KCNH3: variants seen among roughly 807,000 people sequenced by gnomAD.
The protein encoded by KCNH3 is voltage-gated inwardly rectifying potassium channel KCNH3.
Under a neutral mutation model 95.6 loss-of-function variants are expected in KCNH3, and 36 were observed. The observed-to-expected ratio is 0.38, with a 90% CI of 0.29 to 0.50. The LOEUF is 0.50. Ranked by LOEUF, KCNH3 falls within the 20% of genes least tolerant of loss-of-function variation. The pLI is 0.95. For missense variants in KCNH3, 1,030 were observed against 1,484.1 expected (o/e 0.69, Z 5.03); for synonymous variants, 620 against 646.3 (o/e 0.96, Z 0.62).
At chr12:49,549,941 G>T in intron 9 of KCNH3, 139 bp from the exon 10 acceptor site, 3 of 912,800 alleles carry the variant, frequency 3.3e-6, no homozygotes, top group Non-Finnish European at 4.8e-6. Context: ...TGTGGAGCTT[G>T]GAGTTGTGAG....
At chr12:49,552,136 G>T (rs1033083581) in intron 10 of KCNH3, among the ~76,000 whole-genome samples, 8 of 152,214 alleles carry the variant, frequency 5.3e-5, no homozygotes, top group African/African-American at 1.7e-4. Context: ...CACAAGGACA[G>T]ATTTTCACCA....
Position 49,558,084 on chromosome 12 carries a change from G to A in KCNH3, c.*131G>A, listed in dbSNP as rs1938547302. 1 of 1,071,098 alleles carries A rather than the reference G, an allele frequency of 9.3e-7. No homozygotes were observed. Among genetic ancestry groups the A allele is most frequent in the Non-Finnish European group, 1.2e-6 (1 of 800,316 alleles). The allele number at this position is 1,071,098 out of a possible 1,614,324, so 66.3% of individuals were successfully genotyped here. On this transcript the variant is annotated 3_prime_UTR_variant, in exon 15 of 15. Transcript: ENST00000257981. ...CCGCTGGCTCAGGGCAGGGAGCCTG[G>A]AAGCAAAGGAGGACCTGGCTCCTGA...
rs1176688092 is a variant in KCNH3, at chr12:49,540,901, A to G, written c.79A>G (p.Ser27Gly). The change falls in exon 2 of 15, where the codon AGT becomes GGT. Residue 27 changes from serine to glycine, a missense_variant and splice_region_variant. Physicochemically the swap from Ser to Gly is moderately conservative, Grantham distance 56. Transcript: ENST00000257981. ...CTCTGAGAAGTGCTCTCTTGCAGAC[A>G]GTAACTTCGTGCTGGGCAACGCCCA... ...TIATRFDGTH[S>G]NFVLGNAQVA... 6.2e-7 allele frequency: 1 copy of G among 1,613,926 alleles called. No homozygotes were observed. The highest frequency in any genetic ancestry group is 8.5e-7 in the Non-Finnish European group (1 of 1,179,858).
chr12:49,548,838 C>T, intron 7 of KCNH3, 57 bp from the exon 8 acceptor site: 1 of 1,480,966 alleles, frequency 6.8e-7, no homozygotes, highest in Non-Finnish European at 9.0e-7. Flanking sequence ...CCCCCAGGGC[C>T]CGGCATCCTC....
chr12:49,550,919 G>A (rs953953787), intron 10 of KCNH3, among the ~76,000 whole-genome samples: 3 of 152,222 alleles, frequency 2.0e-5, no homozygotes, highest in African/African-American at 7.2e-5. Flanking sequence ...AGAAATTGCA[G>A]GTGTGGAATG....
chr12:49,541,794 T>C, intron 3 of KCNH3, 30 bp downstream of exon 3: 1 of 1,612,028 alleles, frequency 6.2e-7, no homozygotes, highest in Non-Finnish European at 8.5e-7. Flanking sequence ...GTGGTCGGGG[T>C]ATTGGGTGCC....
chr12:49,547,752 G>A (rs901307253), intron 7 of KCNH3, among the ~76,000 whole-genome samples: 2 of 152,126 alleles, frequency 1.3e-5, no homozygotes, highest in Non-Finnish European at 1.5e-5. Flanking sequence ...TGAGGTGGGA[G>A]GAGCAGGGCA....
chr12:49,552,340 C>T (rs527833304), intron 10 of KCNH3, among the ~76,000 whole-genome samples: 1 of 152,362 alleles, frequency 6.6e-6, no homozygotes, highest in South Asian at 2.1e-4. Flanking sequence ...AGAATGGCTA[C>T]AGCCTGTGCC....
chr12:49,557,993 A>T lies in KCNH3; in HGVS notation c.*40A>T, dbSNP rs778568534. The T allele has an allele frequency of 1.9e-5, 28 of 1,440,584 alleles. No individual in the cohort carries two copies. The highest frequency in any genetic ancestry group is 6.4e-6 in the Non-Finnish European group (7 of 1,093,204). The allele number at this position is 1,440,584 out of a possible 1,614,324, so 89.2% of individuals were successfully genotyped here. On this transcript the variant is annotated 3_prime_UTR_variant, in exon 15 of 15. Coordinates refer to ENST00000257981, the MANE Select transcript of KCNH3 (RefSeq NM_012284.3). ...ACTCAGCGTTGCCAGGTGTGCTGCC[A>T]TCTGCTGTTCGGCCCAACCTCAGAG...
chr12:49,550,209 C>T lies in KCNH3; in HGVS notation c.1798C>T (p.Pro600Ser), dbSNP rs1250932827. The T allele has an allele frequency of 1.9e-6, 3 of 1,609,438 alleles. No homozygotes were observed. In the Admixed American group the frequency reaches 5.0e-5, roughly 27 times the overall value. ...GCGGGCACTGTCTCTGGCCCTGCGG[C>T]CCGCCTTCTGCACGCCGGGCGAGTA... ...CLRALSLALR[P>S]AFCTPGEYLI... The change falls in exon 10 of 15, where the codon CCC (proline) becomes TCC (serine). Residue 600 changes from proline (P) to serine (S), a missense_variant. Pro to Ser is a moderately conservative substitution (Grantham distance 74, BLOSUM62 -1). This residue lies in a region of KCNH3 where 160 missense variants were observed against 316.2 expected (regional missense o/e 0.51). Coordinates refer to ENST00000257981, the MANE Select transcript of KCNH3 (RefSeq NM_012284.3).
Position 49,541,677 on chromosome 12 carries a change from A to G in KCNH3, c.358A>G (p.Lys120Glu). ...GGATGTGATACCCATAAAGAATGAGAAAGGGGAGGTGGCTCTCTTCCTAGT... is the reference window on the plus strand; with the variant it reads ...GGATGTGATACCCATAAAGAATGAGGAAGGGGAGGTGGCTCTCTTCCTAGT... ...LLDVIPIKNE[K>E]GEVALFLVSH... is the part of the protein sequence containing the mutation. Residue 120 changes from lysine to glutamate, a missense_variant, in exon 3 of 15, where the codon AAA becomes GAA. Physicochemically the swap from Lys to Glu is moderately conservative, Grantham distance 56. Transcript: ENST00000257981. 6.2e-7 allele frequency: 1 copy of G among 1,614,164 alleles called. No homozygotes were observed. The highest frequency in any genetic ancestry group is 8.5e-7 in the Non-Finnish European group (1 of 1,180,008).
rs1486180019 is a variant in KCNH3 at position 49,550,320 on chromosome 12, G to A, written c.1909G>A (p.Ala637Thr). The change falls in exon 10 of 15, where the codon GCC becomes ACC. Residue 637 changes from alanine to threonine, a missense_variant. By Grantham distance (58) the Ala-to-Thr change is moderately conservative. This residue lies in a region of KCNH3 where 160 missense variants were observed against 316.2 expected (regional missense o/e 0.51). Transcript: ENST00000257981. ...MEVLKGGTVL[A>T]ILGKGDLIGC... is the part of the protein sequence containing the mutation. Reference sequence around the variant, plus strand: ...GGTGCTCAAGGGTGGCACCGTGCTCGCCATCCTAGGTTTGTGAGGGTGGGA... The same window carrying A: ...GGTGCTCAAGGGTGGCACCGTGCTCACCATCCTAGGTTTGTGAGGGTGGGA... 1.2e-6 allele frequency: 2 copies of A among 1,601,316 alleles called. No homozygotes were observed. The highest frequency in any genetic ancestry group is 1.7e-6 in the Non-Finnish European group (2 of 1,174,830).
intron 8 of KCNH3, 134 bp downstream of exon 8, chr12:49,549,307 G>A: frequency 5.5e-6 from 8 of 1,457,284 alleles, no homozygotes; most frequent in East Asian, 2.3e-5. Flanking sequence ...GAGGCCGGGG[G>A]TGGGGGAGAC....
intron 8 of KCNH3, 122 bp from the exon 9 acceptor site, chr12:49,549,319 T>A (rs925275307): frequency 6.9e-7 from 1 of 1,459,322 alleles, no homozygotes; most frequent in South Asian, 1.3e-5. Context: ...GGGGGAGACT[T>A]CGCCCGCACA....
At chr12:49,541,237 T>C in intron 2 of KCNH3, 105 bp downstream of exon 2, 1 of 842,516 alleles carries the variant, frequency 1.2e-6, no homozygotes, top group Non-Finnish European at 1.9e-6. Flanking sequence ...CTTCTCCATC[T>C]CCCCATGTCA....
Position 49,555,730 on chromosome 12 carries a change from C to T in KCNH3, c.2247C>T (p.Pro749=). The T allele has an allele frequency of 6.2e-7, 1 of 1,613,102 alleles. No individual in the cohort carries two copies. The highest frequency in any genetic ancestry group is 1.7e-5 in the Admixed American group (1 of 59,940). The change falls in exon 12 of 15, where the codon CCC becomes CCT. Residue 749 remains proline (P), a synonymous_variant. Coordinates refer to ENST00000257981, the MANE Select transcript of KCNH3 (RefSeq NM_012284.3). ...TCTCCCCAGCCCCAGCTGATGAGCC[C>T]TCCAGCCCCCTGCTGTCCCCTGGCT... ...PTVSPAPADE[P]SSPLLSPGCT...
At chr12:49,551,874 G>A (rs1283019277) in intron 10 of KCNH3, among the ~76,000 whole-genome samples, 3 of 152,154 alleles carry the variant, frequency 2.0e-5, no homozygotes, top group African/African-American at 7.2e-5. Flanking sequence ...AAGGTGGGGC[G>A]GTGTCACCAG....
At chr12:49,551,225 T>C (rs1213260666) in intron 10 of KCNH3, among the ~76,000 whole-genome samples, 1 of 152,122 alleles carries the variant, frequency 6.6e-6, no homozygotes, top group Non-Finnish European at 1.5e-5. Flanking sequence ...ACTCTAGGAT[T>C]TGGAGAGTTG....
At chr12:49,554,272 G>GC (rs35227053) in intron 10 of KCNH3, 65 bp from the exon 11 acceptor site, 1 of 1,311,176 alleles carries the variant, frequency 7.6e-7, no homozygotes, top group Non-Finnish European at 1.1e-6. Flanking sequence ...GCAACCTGCA[G>GC]CCCCCTCTTC....
Sources: gnomAD v4.1 joint callset for allele counts (sites outside exome capture counted in the v4.1 genomes callset) on GRCh38, gnomAD v4.1.1 for gene constraint, gnomAD v4.1.1 regional missense constraint, MANE v1.5 for transcripts, NCBI Gene and HGNC (gene_info 2026-07-23, HGNC 2026-07-21) for gene names.